Variants in TLN2 observed in about 807,000 individuals in gnomAD.
The protein encoded by TLN2 is talin-2.
In TLN2, 118 loss-of-function variants were observed where a neutral mutation model predicts 294.7. That is an observed-to-expected ratio of 0.40 (90% CI 0.34 to 0.47). The LOEUF is 0.47. Among genes scored for constraint, TLN2 ranks in the 20% least tolerant of loss-of-function variants. The pLI is 0.84. For missense variants in TLN2, 3,083 were observed against 3,282.2 expected, an observed-to-expected ratio of 0.94 and a Z score of 1.48; for synonymous variants, 1,431 against 1,304.5, an observed-to-expected ratio of 1.10 and a Z score of -2.09.
At chr15:62,767,812 T>G (rs982155049) in intron 41 of TLN2, among the ~76,000 whole-genome samples, 1 of 152,232 alleles carries the variant, frequency 6.6e-6, no homozygotes, top group African/African-American at 2.4e-5. Context: ...TTTCAGCAGT[T>G]ACTTTTGATT....
chr15:62,820,114 A>C (rs2067437696), intron 53 of TLN2, among the ~76,000 whole-genome samples: 1 of 152,154 alleles, frequency 6.6e-6, no homozygotes, highest in Non-Finnish European at 1.5e-5. Flanking sequence ...GGGAGAAGAG[A>C]ATGGCAAATT....
chr15:62,843,100 A>G lies in TLN2; in HGVS notation c.*2490A>G, dbSNP rs1253497287. Reference sequence around the variant, plus strand: ...ATTTGGGAGTGTGAACTTTCAGAACACCTAATAAGAGAGTGGTGTCAGAGT... The same window carrying G: ...ATTTGGGAGTGTGAACTTTCAGAACGCCTAATAAGAGAGTGGTGTCAGAGT... On this transcript the variant is annotated 3_prime_UTR_variant, in exon 59 of 59. Transcript: ENST00000636159. 1.3e-5 allele frequency: 2 copies of G among 151,468 alleles called. No homozygotes were observed. Among genetic ancestry groups the G allele is most frequent in the Non-Finnish European group, 3.0e-5 (2 of 67,668 alleles). The allele number at this position is 151,468 out of a possible 1,614,324, so 9.4% of individuals were successfully genotyped here. A position where few individuals can be genotyped will look rare whatever the true frequency, so the allele number is the denominator to read the frequency against.
In TLN2 at chr15:62,796,232, A is replaced by G. The variant is rs1397759766; in HGVS notation, c.5989A>G (p.Ile1997Val). Residue 1997 changes from isoleucine (I) to valine (V), a missense_variant, in exon 47 of 59, where the codon ATT becomes GTT. By Grantham distance (29) the Ile-to-Val change is conservative (BLOSUM62 3). Transcript: ENST00000636159. Reference protein sequence around the residue: ...SGIIADLDTTIMFATAGTLNA... With the variant: ...SGIIADLDTTVMFATAGTLNA... ...GATCATTGCCGACCTGGACACCACC[A>G]TTATGTTTGCAACAGCGGGGACGCT... The G allele has an allele frequency of 1.2e-6, 2 of 1,614,174 alleles. No individual in the cohort carries two copies. Among genetic ancestry groups the G allele is most frequent in the Admixed American group, 1.7e-5 (1 of 60,026 alleles).
intron 1 of TLN2, among the ~76,000 whole-genome samples, chr15:62,528,033 T>G (rs1413406679): frequency 6.6e-6 from 1 of 152,210 alleles, no homozygotes; most frequent in Non-Finnish European, 1.5e-5. Flanking sequence ...CTGTTAACAT[T>G]TTAGTGAGTT....
In TLN2 at chr15:62,825,770, T is replaced by A. The variant is rs1330789820; in HGVS notation, c.7002+5160T>A. Among the ~76,000 whole-genome samples the A allele has an allele frequency of 1.6e-4, 7 of 42,856 alleles. 1 individual carries two copies. Among genetic ancestry groups the A allele is most frequent in the African/African-American group, 4.8e-4 (5 of 10,480 alleles). The allele number at this position is 42,856 out of a possible 152,430, so 28.1% of individuals were successfully genotyped here. On this transcript the variant is annotated intron_variant, in intron 54 of 58. Coordinates refer to ENST00000636159, the MANE Select transcript of TLN2 (RefSeq NM_015059.3). Reference sequence around the variant, plus strand: ...TATTAAATATAATTATAATTATATATTATATAATATATTATATATTATAAT... The same window carrying A: ...TATTAAATATAATTATAATTATATAATATATAATATATTATATATTATAAT...
At chr15:62,647,074 T>C (rs2051959291) in intron 3 of TLN2, among the ~76,000 whole-genome samples, 1 of 152,226 alleles carries the variant, frequency 6.6e-6, no homozygotes, top group African/African-American at 2.4e-5. Flanking sequence ...TCTTAGCCAA[T>C]ATGCTGTTGT....
In TLN2 at chr15:62,589,023, A is replaced by G. The variant is rs866242650; in HGVS notation, c.-237-664A>G. Among the ~76,000 whole-genome samples, 149 of 152,096 alleles carry G rather than the reference A, an allele frequency of 9.8e-4. 1 individual carries two copies. In the Middle Eastern group the frequency reaches 0.014, roughly 14 times the overall value. On this transcript the variant is annotated intron_variant, in intron 1 of 58. Coordinates refer to ENST00000636159, the MANE Select transcript of TLN2 (RefSeq NM_015059.3). ...GTCATACCCACCCAGATTTGATTGC[A>G]CGTACTTGGGACTGTTTCATATGAA... is the stretch of plus-strand genomic sequence containing the variant.
At chr15:62,830,899 G>C (rs113469530) in intron 54 of TLN2, 1 of 152,044 alleles carries the variant, frequency 6.6e-6, no homozygotes, top group Non-Finnish European at 1.5e-5. Flanking sequence ...AACTTCTGCC[G>C]TATCTGTTTT....
chr15:62,764,725 G>A (rs1251375208), intron 40 of TLN2, among the ~76,000 whole-genome samples: 1 of 152,036 alleles, frequency 6.6e-6, no homozygotes, highest in African/African-American at 2.4e-5. Context: ...CTAGCACTTT[G>A]GGAGGCTGAG....
intron 22 of TLN2, among the ~76,000 whole-genome samples, chr15:62,713,033 CA>C (rs2059522510): frequency 1.3e-5 from 2 of 151,850 alleles, no homozygotes; most frequent in South Asian, 4.2e-4. Context: ...TTTGGGAGGC[CA>C]AGACAGGTGG....
chr15:62,507,088 G>A (rs1228489618), intron 1 of TLN2, among the ~76,000 whole-genome samples: 2 of 152,130 alleles, frequency 1.3e-5, no homozygotes, highest in African/African-American at 2.4e-5. Flanking sequence ...ATTTAATCTC[G>A]TTTTCCCCCA....
rs374293426 is a variant in TLN2, at chr15:62,841,865, G to A, written c.*1255G>A. 2.6e-5 allele frequency: 4 copies of A among 152,282 alleles called. No individual in the cohort carries two copies. In the East Asian group the frequency reaches 5.8e-4, roughly 22 times the overall value. The allele number at this position is 152,282 out of a possible 1,614,324, so 9.4% of individuals were successfully genotyped here. ...GCTCGTGGGACAGAATCTAATGCCA[G>A]GGAGCAGGAGTGTTTGAAAGAATTC... On this transcript the variant is annotated 3_prime_UTR_variant, in exon 59 of 59. Transcript: ENST00000636159.
In TLN2 at chr15:62,650,292, C is replaced by T. The variant is rs115430149; in HGVS notation, c.234+111C>T. 8.3e-4 allele frequency: 882 copies of T among 1,065,520 alleles called. 8 individuals carry two copies. The highest frequency in any genetic ancestry group is 3.7e-3 in the African/African-American group (236 of 63,462). 66.0% of individuals were successfully genotyped at this position (1,065,520 alleles called of 1,614,324 possible). ...ATTCAAGGGCATCTTATTAATAGTT[C>T]GATGCATTGTACTTTGTAAGGGCTG... On this transcript the variant is annotated intron_variant, in intron 5 of 58. Transcript: ENST00000636159.
At chr15:62,557,130 T>A (rs58828914) in intron 1 of TLN2, among the ~76,000 whole-genome samples, 21,120 of 152,146 alleles carry the variant, frequency 0.14, 1,584 homozygotes, top group African/African-American at 0.2. Flanking sequence ...GAACACACTT[T>A]GAGCAAGGTG....
chr15:62,781,778 G>A (rs2064193739), intron 44 of TLN2, among the ~76,000 whole-genome samples: 1 of 152,124 alleles, frequency 6.6e-6, no homozygotes. Flanking sequence ...ACAGTAGAAG[G>A]CATACAACTT....
At chr15:62,482,499 G>C (rs143442536) in intron 1 of TLN2, among the ~76,000 whole-genome samples, 6 of 148,398 alleles carry the variant, frequency 4.0e-5, no homozygotes, top group Admixed American at 1.3e-4. Context: ...CTACTCAGGA[G>C]GGGGGAGGCA....
intron 1 of TLN2, among the ~76,000 whole-genome samples, chr15:62,581,175 C>G (rs1167753728): frequency 1.3e-5 from 2 of 152,174 alleles, no homozygotes; most frequent in African/African-American, 4.8e-5. Flanking sequence ...ACACCGCGCC[C>G]GGCCCAACCA....
chr15:62,793,796 G>A (rs1232321905), intron 46 of TLN2, among the ~76,000 whole-genome samples: 2 of 135,776 alleles, frequency 1.5e-5, no homozygotes, highest in African/African-American at 5.0e-5. Context: ...CCTTAACTCT[G>A]GTTCATAGGA....
At chr15:62,631,549 TTC>T (rs2049860565) in intron 3 of TLN2, among the ~76,000 whole-genome samples, 1 of 36,404 alleles carries the variant, frequency 2.7e-5, no homozygotes, top group Non-Finnish European at 5.4e-5. Flanking sequence ...TTCCTTTCCA[TTC>T]CTTTCCTTTC....
Sources: gnomAD v4.1 joint callset for allele counts (sites outside exome capture counted in the v4.1 genomes callset) on GRCh38, gnomAD v4.1.1 for gene constraint, MANE v1.5 for transcripts, NCBI Gene and HGNC (gene_info 2026-07-23, HGNC 2026-07-21) for gene names.